Variants in GABBR2 observed in about 807,000 individuals in gnomAD.
The protein encoded by GABBR2 is G-protein coupled receptor 51.
A neutral mutation model predicts 105.6 loss-of-function variants in GABBR2; 23 were observed. That is an observed-to-expected ratio of 0.22 (90% CI 0.16 to 0.31). The LOEUF (loss-of-function observed/expected upper bound fraction) is 0.31. Ranked by LOEUF, GABBR2 falls within the 10% of genes least tolerant of loss-of-function variation. The pLI is 1.00. For missense variants in GABBR2, 734 were observed against 1,245.5 expected (o/e 0.59, Z 6.18); for synonymous variants, 478 against 499.7 (o/e 0.96, Z 0.58).
chr9:98,680,339 T>A (rs1382269480), intron 1 of GABBR2, among the ~76,000 whole-genome samples: 2 of 152,296 alleles, frequency 1.3e-5, no homozygotes, highest in East Asian at 3.9e-4. Flanking sequence ...AGAGTCTCGC[T>A]CTGTCATCCA....
At chr9:98,302,941 G>T in intron 16 of GABBR2, 1 of 393,674 alleles carries the variant, frequency 2.5e-6, no homozygotes, top group Non-Finnish European at 4.5e-6. Flanking sequence ...GACGTAGGAA[G>T]CTATGATAAT....
intron 1 of GABBR2, among the ~76,000 whole-genome samples, chr9:98,702,241 G>A (rs935958225): frequency 6.6e-5 from 10 of 151,950 alleles, no homozygotes; most frequent in Non-Finnish European, 1.5e-4. Flanking sequence ...TCCCCCTAGG[G>A]TGCATCTAAT....
At chr9:98,406,388 G>C (rs890672139) in intron 7 of GABBR2, among the ~76,000 whole-genome samples, 7 of 152,248 alleles carry the variant, frequency 4.6e-5, no homozygotes, top group African/African-American at 1.7e-4. Flanking sequence ...TTGAAGCCAA[G>C]ATAAGCATCA....
At chr9:98,591,472 C>T (rs1290906560) in intron 1 of GABBR2, among the ~76,000 whole-genome samples, 1 of 152,170 alleles carries the variant, frequency 6.6e-6, no homozygotes, top group Non-Finnish European at 1.5e-5. Flanking sequence ...AGGGAAGAGG[C>T]ACTTGCTTTA....
At chr9:98,341,417 C>A (rs966801241) in intron 13 of GABBR2, among the ~76,000 whole-genome samples, 1 of 152,242 alleles carries the variant, frequency 6.6e-6, no homozygotes, top group Non-Finnish European at 1.5e-5. Context: ...AGAATTTACA[C>A]CTTGCCTCCT....
chr9:98,574,430 G>A (rs1455647073), intron 2 of GABBR2, among the ~76,000 whole-genome samples: 1 of 152,192 alleles, frequency 6.6e-6, no homozygotes, highest in Admixed American at 6.5e-5. Context: ...ACCTCCACAT[G>A]GAGAGGAGCC....
At chr9:98,642,749 G>T (rs536962167) in intron 1 of GABBR2, among the ~76,000 whole-genome samples, 1 of 152,292 alleles carries the variant, frequency 6.6e-6, no homozygotes, top group East Asian at 1.9e-4. Flanking sequence ...AGGCGTGCGC[G>T]TGTGTGTGTA....
intron 7 of GABBR2, among the ~76,000 whole-genome samples, chr9:98,439,558 G>A (rs943117132): frequency 2.6e-5 from 4 of 152,182 alleles, no homozygotes; most frequent in Admixed American, 6.5e-5. Flanking sequence ...CCTGGAATAC[G>A]TTGATACATA....
chr9:98,447,919 C>A (rs1308352702), intron 7 of GABBR2, among the ~76,000 whole-genome samples: 1 of 151,984 alleles, frequency 6.6e-6, no homozygotes, highest in Non-Finnish European at 1.5e-5. Flanking sequence ...GGTATACTGG[C>A]TAAGGCTGGA....
intron 1 of GABBR2, among the ~76,000 whole-genome samples, chr9:98,685,645 C>T (rs895296336): frequency 2.6e-5 from 4 of 152,308 alleles, no homozygotes; most frequent in South Asian, 2.1e-4. Flanking sequence ...TGGATCTCTT[C>T]GTCCCATGAC....
At chr9:98,488,649 C>T (rs1827110733) in intron 4 of GABBR2, among the ~76,000 whole-genome samples, 1 of 151,780 alleles carries the variant, frequency 6.6e-6, no homozygotes, top group Non-Finnish European at 1.5e-5. Context: ...TTTTTAACCG[C>T]TCCTCCACTT....
intron 1 of GABBR2, among the ~76,000 whole-genome samples, chr9:98,579,429 G>A (rs1224382185): frequency 1.3e-5 from 2 of 152,064 alleles, no homozygotes; most frequent in Non-Finnish European, 2.9e-5. Flanking sequence ...CAAACCCTGT[G>A]GTCATCTCTC....
At chr9:98,574,906 G>C (rs1828886067) in intron 2 of GABBR2, among the ~76,000 whole-genome samples, 3 of 152,128 alleles carry the variant, frequency 2.0e-5, no homozygotes, top group Admixed American at 1.3e-4. Context: ...TCTCATGCCT[G>C]GACAAAGCGT....
chr9:98,293,642 G>T, intron 18 of GABBR2, 143 bp downstream of exon 18: 1 of 563,554 alleles, frequency 1.8e-6, no homozygotes, highest in South Asian at 2.8e-5. Context: ...TGTAAAAAGA[G>T]CACTGTAATT....
intron 1 of GABBR2, among the ~76,000 whole-genome samples, chr9:98,651,370 C>T (rs1830103299): frequency 6.6e-6 from 1 of 152,108 alleles, no homozygotes; most frequent in African/African-American, 2.4e-5. Flanking sequence ...TCTTGAACTC[C>T]TGACCTCAGC....
chr9:98,352,885 G>A (rs774632199), intron 13 of GABBR2, among the ~76,000 whole-genome samples: 1 of 152,114 alleles, frequency 6.6e-6, no homozygotes, highest in Non-Finnish European at 1.5e-5. Context: ...GTGGATGTGG[G>A]GGAATGTCAG....
intron 1 of GABBR2, among the ~76,000 whole-genome samples, chr9:98,618,193 A>C (rs1390439164): frequency 6.6e-6 from 1 of 152,118 alleles, no homozygotes; most frequent in Non-Finnish European, 1.5e-5. Context: ...GACTTCATGA[A>C]GGGCATCCAC....
At chr9:98,640,414 C>G (rs552970174) in intron 1 of GABBR2, among the ~76,000 whole-genome samples, 48 of 152,270 alleles carry the variant, frequency 3.2e-4, no homozygotes, top group African/African-American at 1.1e-3. Flanking sequence ...TGGTGGCATA[C>G]AGGGGCAGAT....
At chr9:98,617,012 C>G (rs1829596135) in intron 1 of GABBR2, among the ~76,000 whole-genome samples, 1 of 152,164 alleles carries the variant, frequency 6.6e-6, no homozygotes, top group Non-Finnish European at 1.5e-5. Context: ...TTCCAGGCTT[C>G]CCCAGGTACT....
Sources: allele counts gnomAD v4.1 joint callset (sites outside exome capture counted in the v4.1 genomes callset), GRCh38; gene constraint gnomAD v4.1.1; transcripts MANE v1.5; gene names NCBI Gene and HGNC (gene_info 2026-07-23, HGNC 2026-07-21).